ADGRL2: variants seen among roughly 807,000 people sequenced by gnomAD.
The protein encoded by ADGRL2 is calcium-independent alpha-latrotoxin receptor 2.
Under a neutral mutation model 157.4 loss-of-function variants are expected in ADGRL2, and 44 were observed. The observed-to-expected ratio is 0.28, with a 90% CI of 0.22 to 0.36. The LOEUF (loss-of-function observed/expected upper bound fraction) is 0.36, where lower values mean the gene tolerates loss of function less well. Ranked by LOEUF, ADGRL2 falls within the 10% of genes least tolerant of loss-of-function variation. ADGRL2 has a pLI of 1.00. For synonymous variants in ADGRL2, 585 were observed against 624.7 expected, an observed-to-expected ratio of 0.94 and a Z score of 0.95; for missense variants, 1,510 against 1,768.9, an observed-to-expected ratio of 0.85 and a Z score of 2.63.
intron 1 of ADGRL2, among the ~76,000 whole-genome samples, chr1:81,386,337 G>T (rs543925738): frequency 1.3e-5 from 2 of 152,236 alleles, no homozygotes; most frequent in East Asian, 3.9e-4. Context: ...TTGGTGTGTG[G>T]TAAGGTAACA....
At chr1:81,670,540 G>T (rs1371347025) in intron 3 of ADGRL2, among the ~76,000 whole-genome samples, 2 of 152,142 alleles carry the variant, frequency 1.3e-5, no homozygotes, top group East Asian at 3.9e-4. Flanking sequence ...GCAGTGCCAC[G>T]CTGGCAGTAG....
intron 1 of ADGRL2, among the ~76,000 whole-genome samples, chr1:81,714,549 A>T (rs1161609349): frequency 3.3e-5 from 5 of 152,216 alleles, no homozygotes; most frequent in Non-Finnish European, 7.3e-5. Flanking sequence ...AGTAAAAAAC[A>T]TGCATCATTT....
chr1:81,875,015 T>A (rs2093800353), intron 2 of ADGRL2, among the ~76,000 whole-genome samples: 1 of 152,134 alleles, frequency 6.6e-6, no homozygotes, highest in Non-Finnish European at 1.5e-5. Flanking sequence ...CCTTCTTTTT[T>A]AAGTTTTAAT....
rs200327379 is a variant in ADGRL2, at chr1:81,907,013, T to C, written c.74-4T>C. ...GTTTAATTTTCTTTCTTTTTTATTT[T>C]AAGGTTTCAGCAGAGCAGCTTTACC... On this transcript the variant is annotated splice_polypyrimidine_tract_variant and splice_region_variant and intron_variant, in intron 2 of 23. Coordinates refer to ENST00000686636, the MANE Select transcript of ADGRL2 (RefSeq NM_001366006.2). 3.1e-6 allele frequency: 5 copies of C among 1,607,550 alleles called. No individual in the cohort carries two copies. Among genetic ancestry groups the C allele is most frequent in the East Asian group, 4.5e-5 (2 of 44,792 alleles).
chr1:81,520,018 T>C (rs898447513), intron 2 of ADGRL2, among the ~76,000 whole-genome samples: 43 of 152,354 alleles, frequency 2.8e-4, no homozygotes, highest in Non-Finnish European at 5.0e-4. Context: ...TTTTCTTTTT[T>C]CCTGCTCCCT....
chr1:81,964,988 A>AT (rs1656619144), intron 11 of ADGRL2, among the ~76,000 whole-genome samples: 1 of 152,132 alleles, frequency 6.6e-6, no homozygotes, highest in Non-Finnish European at 1.5e-5. Context: ...AATAATTACA[A>AT]TCTGTATTGT....
At chr1:81,606,909 G>A (rs568669688) in intron 3 of ADGRL2, among the ~76,000 whole-genome samples, 42 of 152,164 alleles carry the variant, frequency 2.8e-4, no homozygotes, top group African/African-American at 1.0e-3. Flanking sequence ...ACATTTTGAT[G>A]AATCAAGCAT....
intron 3 of ADGRL2, among the ~76,000 whole-genome samples, chr1:81,669,860 A>T (rs545098461): frequency 6.7e-6 from 1 of 149,962 alleles, no homozygotes; most frequent in Non-Finnish European, 1.5e-5. Flanking sequence ...GGAGAATGGC[A>T]TGAACCCGGG....
chr1:81,758,223 A>G lies in ADGRL2; in HGVS notation c.-142-3588A>G, dbSNP rs191156596. On this transcript the variant is annotated intron_variant, in intron 1 of 20. Coordinates refer to the ADGRL2 transcript ENST00000359929. ...TTGAGCAATTATTATTTCTTAAGTG[A>G]ACATAGAGTTTGAGGATGGTGCCAA... is the stretch of plus-strand genomic sequence containing the variant. 2.8e-3 allele frequency among the ~76,000 whole-genome samples: 424 copies of G among 152,274 alleles called. 3 individuals carry two copies. Among genetic ancestry groups the G allele is most frequent in the African/African-American group, 9.5e-3 (396 of 41,570 alleles).
At chr1:81,735,032 C>T (rs1299538451) in intron 1 of ADGRL2, 3 of 144,902 alleles carry the variant, frequency 2.1e-5, no homozygotes, top group Non-Finnish European at 4.6e-5. Context: ...AAAACTCCAT[C>T]TCAAAGAAAA....
At chr1:81,401,450 G>C (rs1360814702) in intron 1 of ADGRL2, among the ~76,000 whole-genome samples, 1 of 151,968 alleles carries the variant, frequency 6.6e-6, no homozygotes, top group Non-Finnish European at 1.5e-5. Flanking sequence ...TGGAGGCCAG[G>C]TACTTCCTTC....
chr1:81,883,113 TTAAGG>T (rs1454690489), intron 2 of ADGRL2, among the ~76,000 whole-genome samples: 1 of 152,166 alleles, frequency 6.6e-6, no homozygotes, highest in Admixed American at 6.5e-5. Context: ...ACTTCCCCAG[TTAAGG>T]TATGGTTTGT....
intron 2 of ADGRL2, among the ~76,000 whole-genome samples, chr1:81,785,973 T>G (rs2087026348): frequency 6.6e-6 from 1 of 151,254 alleles, no homozygotes; most frequent in South Asian, 2.1e-4. Context: ...GGTGTGCTGG[T>G]GCATCCCTGT....
intron 1 of ADGRL2, among the ~76,000 whole-genome samples, chr1:81,427,782 C>A (rs923528594): frequency 2.6e-5 from 4 of 152,098 alleles, no homozygotes; most frequent in Non-Finnish European, 4.4e-5. Context: ...AAACAGGAAA[C>A]CTTCTTGTTC....
intron 4 of ADGRL2, among the ~76,000 whole-genome samples, chr1:81,937,487 A>AT (rs2095327275): frequency 2.0e-5 from 3 of 151,922 alleles, no homozygotes. Flanking sequence ...CAGTAGTCAA[A>AT]TTTTGTATAG....
intron 3 of ADGRL2, among the ~76,000 whole-genome samples, chr1:81,645,460 G>T (rs1248138881): frequency 6.7e-6 from 1 of 148,920 alleles, no homozygotes; most frequent in African/African-American, 2.5e-5. Flanking sequence ...AAAAATTCCA[G>T]CATTGCTTTC....
chr1:81,861,364 A>C (rs545485967), intron 2 of ADGRL2, among the ~76,000 whole-genome samples: 1 of 152,276 alleles, frequency 6.6e-6, no homozygotes, highest in Admixed American at 6.5e-5. Context: ...AAGTATTTTT[A>C]TCATAGCTAG....
chr1:81,455,861 G>A (rs2077794709), intron 2 of ADGRL2, among the ~76,000 whole-genome samples: 1 of 152,158 alleles, frequency 6.6e-6, no homozygotes, highest in Non-Finnish European at 1.5e-5. Context: ...CAAGGATGAG[G>A]TCATAGTGAA....
chr1:81,826,936 A>G (rs2091538071), intron 1 of ADGRL2, among the ~76,000 whole-genome samples: 1 of 152,156 alleles, frequency 6.6e-6, no homozygotes, highest in Admixed American at 6.5e-5. Flanking sequence ...TTTCAGTGTG[A>G]TACTTGTTAA....
Sources: gnomAD v4.1 joint callset for allele counts (sites outside exome capture counted in the v4.1 genomes callset) on GRCh38, gnomAD v4.1.1 for gene constraint, MANE v1.5 for transcripts, NCBI Gene and HGNC (gene_info 2026-07-23, HGNC 2026-07-21) for gene names.